Variants in SGCZ observed in about 807,000 individuals in gnomAD.
SGCZ encodes the protein sarcoglycan zeta.
In SGCZ, 40 loss-of-function variants were observed where a neutral mutation model predicts 41.3. That is an observed-to-expected ratio of 0.97 (90% CI 0.75 to 1.26). SGCZ has a LOEUF of 1.26. Among genes scored for constraint, SGCZ ranks in the 50% most tolerant of loss-of-function variants. The pLI is 0.00. For synonymous variants in SGCZ, 206 were observed against 137.5 expected (o/e 1.50, Z -3.49); for missense variants, 552 against 369.8 (o/e 1.49, Z -4.04).
intron 1 of SGCZ, among the ~76,000 whole-genome samples, chr8:14,905,039 C>T (rs1040214335): frequency 1.3e-5 from 2 of 151,784 alleles, no homozygotes; most frequent in Admixed American, 1.3e-4. Flanking sequence ...ATTATTGGGG[C>T]CCTTCATTTG....
At chr8:14,629,216 T>C (rs1464254975) in intron 1 of SGCZ, among the ~76,000 whole-genome samples, 1 of 152,138 alleles carries the variant, frequency 6.6e-6, no homozygotes, top group Non-Finnish European at 1.5e-5. Context: ...CTTTGATTAC[T>C]TCACTGTAGA....
At chr8:14,337,377 G>A (rs891604364) in intron 2 of SGCZ, among the ~76,000 whole-genome samples, 1 of 152,116 alleles carries the variant, frequency 6.6e-6, no homozygotes, top group East Asian at 1.9e-4. Flanking sequence ...GTATCAGCAA[G>A]ACGAGGGAGA....
intron 4 of SGCZ, among the ~76,000 whole-genome samples, chr8:14,208,001 G>A (rs975512472): frequency 6.6e-5 from 10 of 152,094 alleles, no homozygotes; most frequent in African/African-American, 2.4e-4. Flanking sequence ...TACACACTAT[G>A]ATGGACTATT....
intron 1 of SGCZ, among the ~76,000 whole-genome samples, chr8:15,127,611 G>T (rs547620791): frequency 1.3e-5 from 2 of 152,050 alleles, no homozygotes; most frequent in African/African-American, 4.8e-5. Flanking sequence ...AAAGAGGACA[G>T]CCTTTATATT....
chr8:15,197,512 C>T (rs1363887579), intron 1 of SGCZ, among the ~76,000 whole-genome samples: 3 of 152,142 alleles, frequency 2.0e-5, no homozygotes, highest in Non-Finnish European at 4.4e-5. Flanking sequence ...ATAGAATTCT[C>T]AGTTGCAAAT....
At chr8:14,392,478 G>T (rs1345449886) in intron 2 of SGCZ, among the ~76,000 whole-genome samples, 1 of 152,050 alleles carries the variant, frequency 6.6e-6, no homozygotes, top group Admixed American at 6.6e-5. Flanking sequence ...GTAGAAATAC[G>T]GTATTTGCTG....
chr8:14,584,968 G>A (rs1805012135), intron 1 of SGCZ, among the ~76,000 whole-genome samples: 3 of 152,052 alleles, frequency 2.0e-5, no homozygotes, highest in Admixed American at 2.0e-4. Context: ...CATAAATCTT[G>A]AGCCCAGGTA....
At chr8:14,465,177 C>T (rs976181866) in intron 2 of SGCZ, among the ~76,000 whole-genome samples, 2 of 151,618 alleles carry the variant, frequency 1.3e-5, no homozygotes, top group African/African-American at 4.8e-5. Flanking sequence ...GAATCTTCAC[C>T]TATTTTTGTA....
chr8:14,186,560 T>A (rs1804908660), intron 4 of SGCZ, among the ~76,000 whole-genome samples: 1 of 152,162 alleles, frequency 6.6e-6, no homozygotes, highest in Non-Finnish European at 1.5e-5. Context: ...CCCCAACCCC[T>A]ACTATAACAA....
At chr8:15,041,037 T>C (rs1435864721) in intron 1 of SGCZ, among the ~76,000 whole-genome samples, 2 of 151,948 alleles carry the variant, frequency 1.3e-5, no homozygotes, top group Non-Finnish European at 2.9e-5. Context: ...TAGAGTAAAA[T>C]ATAAGTTATT....
chr8:14,728,374 G>A (rs1160329987), intron 1 of SGCZ, among the ~76,000 whole-genome samples: 4 of 131,670 alleles, frequency 3.0e-5, no homozygotes, highest in Admixed American at 8.1e-5. Flanking sequence ...CCAAAAGAGT[G>A]GAAAGAAAAA....
chr8:15,046,175 T>C (rs1235347746), intron 1 of SGCZ, among the ~76,000 whole-genome samples: 1 of 152,066 alleles, frequency 6.6e-6, no homozygotes, highest in Non-Finnish European at 1.5e-5. Flanking sequence ...ACTAAAGCAA[T>C]GGAAATTTTA....
At chr8:14,103,299 G>A (rs894441533) in intron 6 of SGCZ, among the ~76,000 whole-genome samples, 1 of 151,906 alleles carries the variant, frequency 6.6e-6, no homozygotes. Context: ...CACAACACAG[G>A]AACTAGAATA....
intron 3 of SGCZ, among the ~76,000 whole-genome samples, chr8:14,295,810 G>A (rs1443618262): frequency 6.6e-6 from 1 of 152,164 alleles, no homozygotes; most frequent in Non-Finnish European, 1.5e-5. Context: ...TGTTGCTCAG[G>A]TGGCTGGAAT....
In SGCZ at chr8:14,087,713, T is replaced by TA. The variant is rs372801743; in HGVS notation, c.*2729_*2730insT. Reference sequence around the variant, plus strand: ...GTGCAATTAAGGGACCACTATATTTTTAAAAAAAAAAAAATGCTTTTTTGT... The same window carrying TA: ...GTGCAATTAAGGGACCACTATATTTTATAAAAAAAAAAAAATGCTTTTTTGT... On this transcript the variant is annotated 3_prime_UTR_variant, in exon 8 of 8. Transcript: ENST00000382080. 0.026 allele frequency among the ~76,000 whole-genome samples: 3,575 copies of TA among 137,322 alleles called. 82 individuals are homozygous for TA. Among genetic ancestry groups the TA allele is most frequent in the African/African-American group, 0.075 (2,693 of 36,134 alleles). The allele number at this position is 137,322 out of a possible 152,430, so 90.1% of individuals were successfully genotyped here.
At chr8:14,265,108 G>T (rs772626985) in intron 3 of SGCZ, among the ~76,000 whole-genome samples, 1 of 152,104 alleles carries the variant, frequency 6.6e-6, no homozygotes, top group Non-Finnish European at 1.5e-5. Flanking sequence ...TCACCAAACA[G>T]ACAAAATAAG....
At chr8:14,348,298 G>C (rs7010603) in intron 2 of SGCZ, among the ~76,000 whole-genome samples, 1,830 of 152,128 alleles carry the variant, frequency 0.012, 37 homozygotes, top group African/African-American at 0.04. Context: ...TTTGCAGCTT[G>C]AATCCAGACA....
At chr8:14,412,001 T>A (rs780861235) in intron 2 of SGCZ, among the ~76,000 whole-genome samples, 1 of 152,122 alleles carries the variant, frequency 6.6e-6, no homozygotes, top group Non-Finnish European at 1.5e-5. Flanking sequence ...TCTTCTTAAA[T>A]GCAAGGGCGT....
chr8:14,860,643 A>G (rs1320739351), intron 1 of SGCZ, among the ~76,000 whole-genome samples: 2 of 151,692 alleles, frequency 1.3e-5, no homozygotes, highest in Non-Finnish European at 2.9e-5. Flanking sequence ...GAGAGAAAGA[A>G]AAGACAGAAA....
Sources: gnomAD v4.1 joint callset for allele counts (sites outside exome capture counted in the v4.1 genomes callset) on GRCh38, gnomAD v4.1.1 for gene constraint, MANE v1.5 for transcripts, NCBI Gene and HGNC (gene_info 2026-07-23, HGNC 2026-07-21) for gene names.